The following GABBR2 variants were observed in gnomAD, a reference collection of about 807,000 sequenced individuals.
The protein encoded by GABBR2 is G-protein coupled receptor 51.
A neutral mutation model predicts 105.6 loss-of-function variants in GABBR2; 23 were observed. That is an observed-to-expected ratio of 0.22 (90% confidence interval 0.16 to 0.31). The LOEUF (loss-of-function observed/expected upper bound fraction) is 0.31. Ranked by LOEUF, GABBR2 falls within the 10% of genes least tolerant of loss-of-function variation. The probability of loss-of-function intolerance (pLI) is 1.00; values close to 1 mark genes in which losing one functional copy is unlikely to be tolerated. For missense variants in GABBR2, 734 were observed against 1,245.5 expected (o/e 0.59, Z 6.18); for synonymous variants, 478 against 499.7 (o/e 0.96, Z 0.58).
In GABBR2 at chr9:98,708,699, C is replaced by T; in HGVS notation, c.39G>A (p.Pro13=). The change falls in exon 1 of 19, where the codon CCG becomes CCA. Residue 13 remains proline, a synonymous_variant. Coordinates refer to ENST00000259455, the MANE Select transcript of GABBR2 (RefSeq NM_005458.8). The stretch of plus-strand genomic sequence containing the variant: ...GCGCGGGCGGCGGTGGCGGCGGCGG[C>T]GGCGGCCCGGGCTGCCCGGAGCTCC... The part of the protein sequence containing the change: ...SPRSSGQPGP[P]PPPPPPPARL... 4 of 1,016,438 alleles carry T rather than the reference C, an allele frequency of 3.9e-6. No homozygotes were observed. The highest frequency in any genetic ancestry group is 3.5e-6 in the Non-Finnish European group (3 of 853,374). 63.0% of individuals were successfully genotyped at this position (1,016,438 alleles called of 1,614,324 possible). A position where few individuals can be genotyped will look rare whatever the true frequency, so the allele number is the denominator to read the frequency against.
intron 1 of GABBR2, among the ~76,000 whole-genome samples, chr9:98,640,567 A>C (rs1242382321): frequency 1.3e-5 from 2 of 152,198 alleles, no homozygotes; most frequent in Non-Finnish European, 2.9e-5. Context: ...CCATACATGG[A>C]TGTACATGGA....
At chr9:98,439,227 G>T (rs891999997) in intron 7 of GABBR2, among the ~76,000 whole-genome samples, 1 of 152,140 alleles carries the variant, frequency 6.6e-6, no homozygotes, top group Non-Finnish European at 1.5e-5. Context: ...AGCTACCGTG[G>T]TTCCTTCTTG....
chr9:98,465,185 T>A (rs1588175615), intron 6 of GABBR2, among the ~76,000 whole-genome samples: 2 of 73,362 alleles, frequency 2.7e-5, no homozygotes, highest in African/African-American at 5.2e-5. Flanking sequence ...AAATAAACAA[T>A]CAATACGTGA....
intron 7 of GABBR2, among the ~76,000 whole-genome samples, chr9:98,406,691 G>A (rs548318250): frequency 5.3e-5 from 8 of 152,310 alleles, no homozygotes; most frequent in African/African-American, 1.7e-4. Context: ...CTATGGTGCA[G>A]CAAAAAACTA....
At position 98,369,814 on chromosome 9, in the gene GABBR2, G is replaced by A. The variant is rs149205368; in HGVS notation, c.1770+1650C>T. 1.6e-3 allele frequency among the ~76,000 whole-genome samples: 246 copies of A among 152,280 alleles called. 1 individual carries two copies. The highest frequency in any genetic ancestry group is 1.2e-3 in the East Asian group (6 of 5,184). On this transcript the variant is annotated intron_variant, in intron 12 of 18. Transcript: ENST00000259455. Reference sequence around the variant, plus strand: ...GAGTGTGTGCAGGGGGCTAGGGTGTGGTGGGTGGGGAATTGAATTGAGAAG... The same window carrying A: ...GAGTGTGTGCAGGGGGCTAGGGTGTAGTGGGTGGGGAATTGAATTGAGAAG...
chr9:98,532,479 G>C (rs1259152888), intron 3 of GABBR2, among the ~76,000 whole-genome samples: 1 of 152,224 alleles, frequency 6.6e-6, no homozygotes, highest in Non-Finnish European at 1.5e-5. Context: ...AATGATAAAA[G>C]ATCTGCAGAT....
chr9:98,319,571 T>G (rs1231518209), intron 13 of GABBR2, among the ~76,000 whole-genome samples: 1 of 152,024 alleles, frequency 6.6e-6, no homozygotes, highest in Non-Finnish European at 1.5e-5. Context: ...CAATTATTTG[T>G]TGGGAGGGAC....
At chr9:98,294,236 G>A (rs1326287061) in intron 17 of GABBR2, among the ~76,000 whole-genome samples, 1 of 152,094 alleles carries the variant, frequency 6.6e-6, no homozygotes, top group Non-Finnish European at 1.5e-5. Flanking sequence ...CTTTTTCACA[G>A]GCACATAGGG....
In GABBR2 at chr9:98,371,585, G is replaced by C; in HGVS notation, c.1663-14C>G. 1 of 1,425,854 alleles carries C rather than the reference G, an allele frequency of 7.0e-7. No individual in the cohort carries two copies. Among genetic ancestry groups the C allele is most frequent in the Non-Finnish European group, 9.9e-7 (1 of 1,008,070 alleles). The allele number at this position is 1,425,854 out of a possible 1,614,324, so 88.3% of individuals were successfully genotyped here. ...CCAGGTCCTGACCTAGAGGCCATGAGAAAACAGAGGCATTGACCTTCCTTA... is the reference window on the plus strand; with the variant it reads ...CCAGGTCCTGACCTAGAGGCCATGACAAAACAGAGGCATTGACCTTCCTTA... On this transcript the variant is annotated splice_polypyrimidine_tract_variant and intron_variant, in intron 11 of 18. Coordinates refer to ENST00000259455, the MANE Select transcript of GABBR2 (RefSeq NM_005458.8).
chr9:98,429,111 C>A (rs952650953), intron 7 of GABBR2, among the ~76,000 whole-genome samples: 2 of 138,296 alleles, frequency 1.4e-5, no homozygotes, highest in Admixed American at 1.4e-4. Context: ...AAAAACTCAC[C>A]CAGGTTTTTG....
rs1317605602 is a variant in GABBR2, at chr9:98,288,695, C to T, written c.*1889G>A. The T allele has an allele frequency of 6.6e-6, 1 of 152,532 alleles. No individual in the cohort carries two copies. Among genetic ancestry groups the T allele is most frequent in the Non-Finnish European group, 1.5e-5 (1 of 68,036 alleles). The allele number at this position is 152,532 out of a possible 1,614,324, so 9.4% of individuals were successfully genotyped here. On this transcript the variant is annotated 3_prime_UTR_variant, in exon 19 of 19. Coordinates refer to ENST00000259455, the MANE Select transcript of GABBR2 (RefSeq NM_005458.8). ...TGAGTGACAACACCGATTTTTAGTG[C>T]CTAAACAGAGAATGACTTCAACTTG...
chr9:98,363,663 A>T (rs1426676735), intron 12 of GABBR2, among the ~76,000 whole-genome samples: 1 of 152,130 alleles, frequency 6.6e-6, no homozygotes, highest in Non-Finnish European at 1.5e-5. Flanking sequence ...CTCAGCACCT[A>T]CCGGGGCCTG....
intron 7 of GABBR2, among the ~76,000 whole-genome samples, chr9:98,424,710 C>T (rs1247569444): frequency 2.6e-5 from 4 of 151,306 alleles, no homozygotes; most frequent in Non-Finnish European, 3.0e-5. Flanking sequence ...AGAGCCAAAT[C>T]ATGAGTGAAC....
At chr9:98,591,277 T>C (rs993807457) in intron 1 of GABBR2, among the ~76,000 whole-genome samples, 3 of 152,100 alleles carry the variant, frequency 2.0e-5, no homozygotes, top group Non-Finnish European at 4.4e-5. Context: ...AAATAGGAAG[T>C]TGCGGGGCAC....
chr9:98,484,301 C>T (rs887982509), intron 4 of GABBR2, among the ~76,000 whole-genome samples: 7 of 152,214 alleles, frequency 4.6e-5, no homozygotes, highest in African/African-American at 1.7e-4. Flanking sequence ...TGGGATCCCC[C>T]ATCTAGCTAA....
intron 1 of GABBR2, among the ~76,000 whole-genome samples, chr9:98,582,876 G>T (rs928292112): frequency 2.0e-5 from 3 of 152,078 alleles, no homozygotes; most frequent in Admixed American, 6.5e-5. Flanking sequence ...TGCTAATCTA[G>T]CCCCACACTC....
intron 1 of GABBR2, among the ~76,000 whole-genome samples, chr9:98,648,296 T>C (rs953497856): frequency 6.6e-6 from 1 of 151,918 alleles, no homozygotes; most frequent in Non-Finnish European, 1.5e-5. Flanking sequence ...CACGCCCAGC[T>C]AATTTTTGTA....
intron 3 of GABBR2, among the ~76,000 whole-genome samples, chr9:98,536,287 A>G (rs1588217069): frequency 6.6e-6 from 1 of 152,246 alleles, no homozygotes; most frequent in East Asian, 1.9e-4. Flanking sequence ...TTGAGCTAGG[A>G]GGGATCTTAG....
rs568411158 is a variant in GABBR2 at position 98,600,036 on chromosome 9, G to T, written c.322-21964C>A. Among the ~76,000 whole-genome samples, 4 of 152,304 alleles carry T rather than the reference G, an allele frequency of 2.6e-5. No homozygotes were observed. The South Asian group carries it at 8.3e-4, about 32-fold the overall frequency. Reference sequence around the variant, plus strand: ...CGCTGGCTAATTGCTGAAGCTGGGGGATGGGCTCATGGAGGCAGCTTATCC... The same window carrying T: ...CGCTGGCTAATTGCTGAAGCTGGGGTATGGGCTCATGGAGGCAGCTTATCC... On this transcript the variant is annotated intron_variant, in intron 1 of 18. Coordinates refer to ENST00000259455, the MANE Select transcript of GABBR2 (RefSeq NM_005458.8).
Sources: allele counts gnomAD v4.1 joint callset (sites outside exome capture counted in the v4.1 genomes callset), GRCh38; gene constraint gnomAD v4.1.1; transcripts MANE v1.5; gene names NCBI Gene and HGNC (gene_info 2026-07-23, HGNC 2026-07-21).